The following ARHGAP15 variants were observed in gnomAD, a reference collection of about 807,000 sequenced individuals.
ARHGAP15 encodes rho GTPase-activating protein 15.
In ARHGAP15, 51 loss-of-function variants were observed where a neutral mutation model predicts 63.7. That is an observed-to-expected ratio of 0.80 (90% CI 0.64 to 1.01). The LOEUF is 1.01. Ranked by LOEUF, ARHGAP15 falls within the 50% of genes least tolerant of loss-of-function variation. ARHGAP15 has a pLI of 0.00. For missense variants in ARHGAP15, 560 were observed against 564.6 expected (o/e 0.99, Z 0.08); for synonymous variants, 191 against 193.8 (o/e 0.99, Z 0.12).
intron 5 of ARHGAP15, among the ~76,000 whole-genome samples, chr2:143,248,025 CAGT>C (rs562556275): frequency 3.4e-4 from 52 of 152,162 alleles, no homozygotes; most frequent in Middle Eastern, 3.4e-3. Context: ...TTGGGAAAAA[CAGT>C]AGAGGAAAAG....
intron 13 of ARHGAP15, among the ~76,000 whole-genome samples, chr2:143,759,999 G>A (rs890390479): frequency 6.6e-6 from 1 of 152,124 alleles, no homozygotes; most frequent in African/African-American, 2.4e-5. Context: ...AGGGCCTGAA[G>A]TCACATTGTA....
At chr2:143,711,689 G>A (rs1488405555) in intron 13 of ARHGAP15, among the ~76,000 whole-genome samples, 2 of 152,164 alleles carry the variant, frequency 1.3e-5, no homozygotes, top group African/African-American at 4.8e-5. Context: ...AGCACTTTCA[G>A]CGGTTGAGGA....
At chr2:143,192,901 A>C (rs1310792327) in intron 2 of ARHGAP15, among the ~76,000 whole-genome samples, 2 of 152,214 alleles carry the variant, frequency 1.3e-5, no homozygotes, top group South Asian at 4.1e-4. Flanking sequence ...ACTGCTATCT[A>C]TGAGAGGTCT....
At position 143,598,357 on chromosome 2, in the gene ARHGAP15, AC is replaced by A. The variant is rs1260218079; in HGVS notation, c.1004-25775del. On this transcript the variant is annotated intron_variant, in intron 11 of 13. Transcript: ENST00000295095. ...GCTAAAGGAGTGATCAAAGTTAAAA[AC>A]TTCAAATGCCTTTAGTATTTCTGGA... Among the ~76,000 whole-genome samples the A allele has an allele frequency of 3.3e-5, 5 of 152,120 alleles. No individual in the cohort carries two copies. In the East Asian group the frequency reaches 9.6e-4, roughly 29 times the overall value.
At chr2:143,398,705 C>G (rs1025601515) in intron 6 of ARHGAP15, among the ~76,000 whole-genome samples, 5 of 151,978 alleles carry the variant, frequency 3.3e-5, no homozygotes, top group Non-Finnish European at 7.4e-5. Context: ...CCTCTCATTG[C>G]ACTTTCACTT....
chr2:143,663,726 C>T (rs1345310478), intron 12 of ARHGAP15, among the ~76,000 whole-genome samples: 1 of 150,788 alleles, frequency 6.6e-6, no homozygotes, highest in African/African-American at 2.4e-5. Flanking sequence ...GGAAGATCTA[C>T]CAAGCAAATG....
At chr2:143,402,891 C>G (rs1184190185) in intron 6 of ARHGAP15, among the ~76,000 whole-genome samples, 1 of 151,712 alleles carries the variant, frequency 6.6e-6, no homozygotes, top group Non-Finnish European at 1.5e-5. Flanking sequence ...TAGCTGTCTA[C>G]CTGGCTAAGG....
intron 9 of ARHGAP15, among the ~76,000 whole-genome samples, chr2:143,507,212 A>G (rs1693362549): frequency 6.6e-6 from 1 of 152,056 alleles, no homozygotes; most frequent in Non-Finnish European, 1.5e-5. Context: ...TTCATTCTCA[A>G]TTAGTCCTAC....
chr2:143,413,745 A>G (rs1433830765), intron 6 of ARHGAP15, among the ~76,000 whole-genome samples: 1 of 152,100 alleles, frequency 6.6e-6, no homozygotes, highest in African/African-American at 2.4e-5. Flanking sequence ...AAGTGTTGGT[A>G]TTACAGGCAT....
chr2:143,243,397 A>G (rs1231738173), intron 5 of ARHGAP15, among the ~76,000 whole-genome samples: 1 of 152,150 alleles, frequency 6.6e-6, no homozygotes, highest in African/African-American at 2.4e-5. Context: ...TTTATGTTTT[A>G]TTGTCCAAAA....
At chr2:143,739,960 C>T (rs1685896265) in intron 13 of ARHGAP15, among the ~76,000 whole-genome samples, 1 of 152,164 alleles carries the variant, frequency 6.6e-6, no homozygotes, top group African/African-American at 2.4e-5. Flanking sequence ...TCATTCTGCC[C>T]CAACACTCTA....
At chr2:143,465,099 A>G (rs1212463777) in intron 8 of ARHGAP15, among the ~76,000 whole-genome samples, 1 of 151,754 alleles carries the variant, frequency 6.6e-6, no homozygotes, top group Non-Finnish European at 1.5e-5. Context: ...ACCCATTGCT[A>G]TTTTCTTTCC....
intron 6 of ARHGAP15, among the ~76,000 whole-genome samples, chr2:143,342,904 CTT>C (rs35856257): frequency 6.6e-6 from 1 of 151,958 alleles, no homozygotes; most frequent in African/African-American, 2.4e-5. Flanking sequence ...TTGTTTTAAT[CTT>C]TTTTTGTAAG....
chr2:143,670,877 C>G (rs1682487587), intron 12 of ARHGAP15, among the ~76,000 whole-genome samples: 1 of 152,168 alleles, frequency 6.6e-6, no homozygotes, highest in South Asian at 2.1e-4. Flanking sequence ...GTTTAATCAG[C>G]AGGTGAATTG....
chr2:143,515,950 G>A (rs764528057), intron 9 of ARHGAP15, among the ~76,000 whole-genome samples: 1 of 152,074 alleles, frequency 6.6e-6, no homozygotes, highest in African/African-American at 2.4e-5. Context: ...CATCATTCAT[G>A]CATTTGTTTC....
chr2:143,713,662 AG>A (rs1219857372), intron 13 of ARHGAP15, among the ~76,000 whole-genome samples: 1 of 151,702 alleles, frequency 6.6e-6, no homozygotes, highest in African/African-American at 2.4e-5. Flanking sequence ...AGATACAAAG[AG>A]GGTACAGGTA....
intron 5 of ARHGAP15, chr2:143,236,080 C>T: frequency 7.4e-7 from 1 of 1,347,720 alleles, no homozygotes; most frequent in East Asian, 2.7e-5. Context: ...AACATCCATT[C>T]ATTTATTCTC....
intron 13 of ARHGAP15, among the ~76,000 whole-genome samples, chr2:143,707,758 T>C (rs879383454): frequency 1.3e-5 from 2 of 152,208 alleles, no homozygotes; most frequent in African/African-American, 2.4e-5. Flanking sequence ...GGATACATCA[T>C]ATTGCCTTAG....
At position 143,335,242 on chromosome 2, in the gene ARHGAP15, G is replaced by C. The variant is rs377151092; in HGVS notation, c.474+84642G>C. 4.6e-5 allele frequency among the ~76,000 whole-genome samples: 7 copies of C among 152,262 alleles called. No individual in the cohort carries two copies. The East Asian group carries it at 1.2e-3, about 25-fold the overall frequency. ...TTGACCTATAGCCAGCACCAACTCT[G>C]ATTAGCTGTGCAGTGAGAAAATCAC... On this transcript the variant is annotated intron_variant, in intron 6 of 13. Coordinates refer to ENST00000295095, the MANE Select transcript of ARHGAP15 (RefSeq NM_018460.4).
Sources: allele counts gnomAD v4.1 joint callset (sites outside exome capture counted in the v4.1 genomes callset), GRCh38; gene constraint gnomAD v4.1.1; transcripts MANE v1.5; gene names NCBI Gene and HGNC (gene_info 2026-07-23, HGNC 2026-07-21).